Variants in FBXL17 observed in about 807,000 individuals in gnomAD.
The protein encoded by FBXL17 is F-box/LRR-repeat protein 17.
FBXL17 carries 22 observed loss-of-function variants against 66.2 expected under a neutral mutation model. The ratio of observed to expected loss-of-function variants is 0.33; its 90% CI spans 0.24 to 0.47. FBXL17 has a LOEUF of 0.47. FBXL17 is among the 20% of genes least tolerant of loss of function. The pLI, the probability that FBXL17 is intolerant of heterozygous loss-of-function variation, is 1.00. For missense variants in FBXL17, 878 were observed against 948.2 expected, an observed-to-expected ratio of 0.93 and a Z score of 0.97; for synonymous variants, 474 against 400.5, an observed-to-expected ratio of 1.18 and a Z score of -2.19.
At chr5:108,308,496 C>T (rs1758961784) in intron 4 of FBXL17, among the ~76,000 whole-genome samples, 1 of 152,048 alleles carries the variant, frequency 6.6e-6, no homozygotes, top group African/African-American at 2.4e-5. Flanking sequence ...AACTCTGACT[C>T]CTACAAGTAT....
At chr5:108,029,640 C>A (rs1056167041) in intron 6 of FBXL17, among the ~76,000 whole-genome samples, 1 of 151,892 alleles carries the variant, frequency 6.6e-6, no homozygotes, top group Non-Finnish European at 1.5e-5. Context: ...AAAAATAATT[C>A]TTTTTATTTA....
At chr5:107,881,984 T>A (rs999760881) in intron 7 of FBXL17, among the ~76,000 whole-genome samples, 1 of 152,178 alleles carries the variant, frequency 6.6e-6, no homozygotes, top group Non-Finnish European at 1.5e-5. Flanking sequence ...CATCACCCCA[T>A]CACAGCGACC....
At chr5:107,957,558 T>C (rs911721783) in intron 7 of FBXL17, among the ~76,000 whole-genome samples, 2 of 152,326 alleles carry the variant, frequency 1.3e-5, no homozygotes, top group Admixed American at 6.5e-5. Flanking sequence ...CAGATCTCCA[T>C]ACAAATTTTA....
chr5:108,279,665 T>C (rs1757625655), intron 4 of FBXL17, among the ~76,000 whole-genome samples: 1 of 151,708 alleles, frequency 6.6e-6, no homozygotes, highest in African/African-American at 2.4e-5. Context: ...TAAGTATTTA[T>C]TTTAAAGAAC....
At chr5:108,265,242 A>G (rs1756999970) in intron 4 of FBXL17, among the ~76,000 whole-genome samples, 1 of 152,072 alleles carries the variant, frequency 6.6e-6, no homozygotes, top group Non-Finnish European at 1.5e-5. Flanking sequence ...ATTCTACCTA[A>G]TCGGATAGAA....
intron 7 of FBXL17, among the ~76,000 whole-genome samples, chr5:107,915,234 T>G (rs547786367): frequency 2.5e-4 from 38 of 152,318 alleles, no homozygotes; most frequent in African/African-American, 9.1e-4. Flanking sequence ...CATTACAAGC[T>G]GCATAAAACA....
chr5:108,338,971 G>A (rs1457564228), intron 4 of FBXL17, among the ~76,000 whole-genome samples: 1 of 151,996 alleles, frequency 6.6e-6, no homozygotes, highest in Non-Finnish European at 1.5e-5. Flanking sequence ...CTGAAGACAG[G>A]GTTACCTGAC....
intron 6 of FBXL17, among the ~76,000 whole-genome samples, chr5:108,066,919 A>T (rs916906040): frequency 7.2e-5 from 11 of 152,134 alleles, no homozygotes; most frequent in Non-Finnish European, 1.3e-4. Flanking sequence ...GAAAATGAGC[A>T]CTAAGCATTT....
At chr5:108,151,959 A>T (rs1226866200) in intron 6 of FBXL17, among the ~76,000 whole-genome samples, 2 of 152,244 alleles carry the variant, frequency 1.3e-5, no homozygotes, top group Non-Finnish European at 2.9e-5. Context: ...AATCACAGCA[A>T]GTAAGAAATT....
chr5:108,252,480 C>T (rs1377042917), intron 4 of FBXL17, among the ~76,000 whole-genome samples: 3 of 151,820 alleles, frequency 2.0e-5, no homozygotes, highest in African/African-American at 7.3e-5. Context: ...TTCTGAAAAA[C>T]CAGAATTCTC....
chr5:108,275,148 T>C (rs1053902593), intron 4 of FBXL17, among the ~76,000 whole-genome samples: 1 of 152,200 alleles, frequency 6.6e-6, no homozygotes, highest in Non-Finnish European at 1.5e-5. Flanking sequence ...TTATAATGAA[T>C]GCTGAATAAA....
intron 5 of FBXL17, among the ~76,000 whole-genome samples, chr5:108,207,059 C>T (rs1330920770): frequency 1.3e-5 from 2 of 152,112 alleles, no homozygotes; most frequent in Non-Finnish European, 2.9e-5. Context: ...ATCAGTTAGG[C>T]ATGAGATTAA....
intron 6 of FBXL17, among the ~76,000 whole-genome samples, chr5:108,164,282 CAGA>C (rs1490141150): frequency 2.6e-5 from 4 of 152,166 alleles, no homozygotes; most frequent in African/African-American, 9.6e-5. Flanking sequence ...CACTCTAAAT[CAGA>C]AGGTTTGTTC....
chr5:107,872,429 G>A (rs1037174948), intron 8 of FBXL17, among the ~76,000 whole-genome samples: 4 of 152,156 alleles, frequency 2.6e-5, no homozygotes, highest in Non-Finnish European at 4.4e-5. Flanking sequence ...GGGATCTGAC[G>A]GTTTTCAAAT....
chr5:108,128,684 T>C (rs1750811056), intron 6 of FBXL17, among the ~76,000 whole-genome samples: 1 of 152,124 alleles, frequency 6.6e-6, no homozygotes, highest in Non-Finnish European at 1.5e-5. Context: ...TTAAAAATTA[T>C]GTGAAGATCT....
chr5:108,017,624 G>C (rs1754434887), intron 7 of FBXL17, among the ~76,000 whole-genome samples: 2 of 152,168 alleles, frequency 1.3e-5, no homozygotes, highest in African/African-American at 4.8e-5. Context: ...AAGAAAATAA[G>C]TGGCAAAGCT....
At chr5:108,149,544 CTTTTA>C (rs1280267480) in intron 6 of FBXL17, among the ~76,000 whole-genome samples, 6 of 152,260 alleles carry the variant, frequency 3.9e-5, no homozygotes, top group Admixed American at 2.0e-4. Flanking sequence ...GTCTTGGCTT[CTTTTA>C]TTTTAACTAC....
At chr5:107,983,583 T>C (rs1168930188) in intron 7 of FBXL17, among the ~76,000 whole-genome samples, 1 of 151,850 alleles carries the variant, frequency 6.6e-6, no homozygotes, top group East Asian at 1.9e-4. Context: ...ATTGTTGATG[T>C]GGAACTTCCC....
chr5:107,981,562 C>G (rs1752830058), intron 7 of FBXL17, among the ~76,000 whole-genome samples: 1 of 152,216 alleles, frequency 6.6e-6, no homozygotes, highest in Non-Finnish European at 1.5e-5. Context: ...CATCACCCAC[C>G]CACTCCATTC....
Sources: allele counts gnomAD v4.1 joint callset (sites outside exome capture counted in the v4.1 genomes callset), GRCh38; gene constraint gnomAD v4.1.1; transcripts MANE v1.5; gene names NCBI Gene and HGNC (gene_info 2026-07-23, HGNC 2026-07-21).